The following CBL variants were observed in gnomAD, a reference collection of about 807,000 sequenced individuals.
CBL encodes E3 ubiquitin-protein ligase CBL.
CBL carries 45 observed loss-of-function variants against 96.9 expected under a neutral mutation model. The ratio of observed to expected loss-of-function variants is 0.46; its 90% CI spans 0.37 to 0.60. The LOEUF is 0.60. Among genes scored for constraint, CBL ranks in the 20% least tolerant of loss-of-function variants. The pLI, the probability that CBL is intolerant of heterozygous loss-of-function variation, is 0.00. For missense variants in CBL, 1,024 were observed against 1,143.5 expected (o/e 0.90, Z 1.51); for synonymous variants, 420 against 426.8 (o/e 0.98, Z 0.20).
chr11:119,206,491 T>G lies in CBL; in HGVS notation c.74T>G (p.Leu25Arg), dbSNP rs767515458. Residue 25 changes from leucine (L) to arginine (R), a missense_variant, in exon 1 of 16, where the codon CTG (leucine) becomes CGG (arginine). This residue lies in a region of CBL where 114 missense variants were observed against 117.4 expected (regional missense o/e 0.97). Coordinates refer to ENST00000264033, the MANE Select transcript of CBL (RefSeq NM_005188.4). ...TCCGGGGGCTCGGGTTCGGGTGGCC[T>G]GATTGGGCTCATGAAGGACGCCTTC... The part of the protein sequence containing the change: ...SGSGGSGSGG[L>R]IGLMKDAFQP... 1 of 1,571,232 alleles carries G rather than the reference T, an allele frequency of 6.4e-7. No individual in the cohort carries two copies. Among genetic ancestry groups the G allele is most frequent in the Non-Finnish European group, 8.6e-7 (1 of 1,160,842 alleles).
intron 1 of CBL, among the ~76,000 whole-genome samples, chr11:119,210,924 G>A (rs1193070136): frequency 1.3e-5 from 2 of 152,002 alleles, no homozygotes; most frequent in African/African-American, 2.4e-5. Flanking sequence ...GTACTGAACC[G>A]TGTACATATA....
At chr11:119,274,800 T>G (rs1230780612) in intron 4 of CBL, 32 bp from the exon 5 acceptor site, 6 of 1,597,830 alleles carry the variant, frequency 3.8e-6, no homozygotes, top group Non-Finnish European at 5.1e-6. Flanking sequence ...ACATCTGACC[T>G]GAATAGTCTG....
Position 119,306,457 on chromosome 11 carries a change from G to A in CBL, c.*6676G>A, listed in dbSNP as rs1950142068. The A allele has an allele frequency of 2.5e-6, 1 of 397,860 alleles. No individual in the cohort carries two copies. The highest frequency in any genetic ancestry group is 1.3e-4 in the South Asian group (1 of 7,590). The allele number at this position is 397,860 out of a possible 1,614,324, so 24.6% of individuals were successfully genotyped here. A position where few individuals can be genotyped will look rare whatever the true frequency, so the allele number is the denominator to read the frequency against. ...TGCCCCTAAATCAGACAGGAGGCCA[G>A]AGAGGAGTATTGCTCAATGCGTGCT... is the stretch of plus-strand genomic sequence containing the variant. On this transcript the variant is annotated 3_prime_UTR_variant, in exon 16 of 16. Transcript: ENST00000264033.
rs749769411 is a variant in CBL at position 119,285,275 on chromosome 11, G to T, written c.1650G>T (p.Arg550=). 3 of 1,613,926 alleles carry T rather than the reference G, an allele frequency of 1.9e-6. No homozygotes were observed. The African/African-American group carries it at 4.0e-5, about 22-fold the overall frequency. ...RDLPPPPPPD[R]PYSVGAESRP... ...TTCCACCACCACCGCCTCCAGACCG[G>T]CCATATTCTGTTGGAGCAGAATCCC... Residue 550 remains arginine (R), a synonymous_variant, in exon 11 of 16, where the codon CGG becomes CGT. Transcript: ENST00000264033.
In CBL at chr11:119,287,535, A is replaced by G. The variant is rs145401823; in HGVS notation, c.1942-317A>G. 6.3e-4 allele frequency among the ~76,000 whole-genome samples: 96 copies of G among 152,280 alleles called. No individual in the cohort carries two copies. The East Asian group carries it at 0.017, about 27-fold the overall frequency. On this transcript the variant is annotated intron_variant, in intron 11 of 15. Coordinates refer to ENST00000264033, the MANE Select transcript of CBL (RefSeq NM_005188.4). ...CTGGCAGCATCAGTATAGAATGACC[A>G]TTTTGCGTTTGGATATAGATTATTT...
intron 11 of CBL, among the ~76,000 whole-genome samples, chr11:119,287,055 G>T (rs1949989806): frequency 6.6e-6 from 1 of 152,200 alleles, no homozygotes; most frequent in Non-Finnish European, 1.5e-5. Flanking sequence ...ATTCCAGGAT[G>T]AAGGAAAAAG....
rs374936250 is a variant in CBL at position 119,284,971 on chromosome 11, G to T, written c.1434G>T (p.Val478=). 1 of 1,614,074 alleles carries T rather than the reference G, an allele frequency of 6.2e-7. No individual in the cohort carries two copies. Among genetic ancestry groups the T allele is most frequent in the Non-Finnish European group, 8.5e-7 (1 of 1,180,008 alleles). Residue 478 remains valine (V), a splice_region_variant and synonymous_variant, in exon 10 of 16, where the codon GTG becomes GTT. Transcript: ENST00000264033. ...FMMKELAGAK[V]ERPPSPFSMA... ...GTTAAATTTTTTATGTACCCTAGGT[G>T]GAACGGCCGCCTTCTCCATTCTCCA...
In CBL at chr11:119,245,956, C is replaced by CTTTTTT. The variant is rs71048054; in HGVS notation, c.443+13290_443+13295dup. ...TAAGACAGACGCATTCTTTGCAAAT[C>CTTTTTT]TTTTTTTTTTTTTTTTTTTTTTTTT... On this transcript the variant is annotated intron_variant, in intron 2 of 15. Transcript: ENST00000264033. Among the ~76,000 whole-genome samples the CTTTTTT allele has an allele frequency of 4.1e-3, 221 of 54,308 alleles. 23 individuals are homozygous for CTTTTTT. The highest frequency in any genetic ancestry group is 8.1e-3 in the Admixed American group (22 of 2,726). 35.6% of individuals were successfully genotyped at this position (54,308 alleles called of 152,430 possible).
intron 2 of CBL, among the ~76,000 whole-genome samples, chr11:119,246,730 G>A (rs1949634676): frequency 6.6e-6 from 1 of 152,226 alleles, no homozygotes; most frequent in Non-Finnish European, 1.5e-5. Context: ...GGGATTACAG[G>A]TGTGAGCCAG....
At chr11:119,240,808 C>T (rs1281869639) in intron 2 of CBL, among the ~76,000 whole-genome samples, 1 of 152,276 alleles carries the variant, frequency 6.6e-6, no homozygotes, top group South Asian at 2.1e-4. Context: ...TGCAGTGGCT[C>T]ATGCCTGTAA....
intron 2 of CBL, among the ~76,000 whole-genome samples, chr11:119,264,937 T>A (rs2135290991): frequency 6.6e-6 from 1 of 152,296 alleles, no homozygotes; most frequent in African/African-American, 2.4e-5. Context: ...AGTGCCGTGG[T>A]ACGATCTTTG....
At chr11:119,221,910 G>A (rs142164868) in intron 1 of CBL, among the ~76,000 whole-genome samples, 1 of 152,232 alleles carries the variant, frequency 6.6e-6, no homozygotes, top group East Asian at 1.9e-4. Context: ...ACCCGGAAGG[G>A]CAAATAACTT....
chr11:119,258,271 A>AT (rs1949726519), intron 2 of CBL, among the ~76,000 whole-genome samples: 2 of 152,138 alleles, frequency 1.3e-5, no homozygotes, highest in African/African-American at 4.8e-5. Context: ...TGAGACTGTA[A>AT]TTTTTAAAGA....
Position 119,303,519 on chromosome 11 carries a change from C to T in CBL, c.*3738C>T, listed in dbSNP as rs1161537925. 1 of 233,470 alleles carries T rather than the reference C, an allele frequency of 4.3e-6. No homozygotes were observed. The highest frequency in any genetic ancestry group is 8.5e-6 in the Non-Finnish European group (1 of 118,036). The allele number at this position is 233,470 out of a possible 1,614,324, so 14.5% of individuals were successfully genotyped here. A position where few individuals can be genotyped will look rare whatever the true frequency, so the allele number is the denominator to read the frequency against. ...GCGTTTGACCTTAAAATAGCTCTTC[C>T]CAGTAAGATTGTGCAATTTTTATTC... On this transcript the variant is annotated 3_prime_UTR_variant, in exon 16 of 16. Coordinates refer to ENST00000264033, the MANE Select transcript of CBL (RefSeq NM_005188.4).
At chr11:119,297,523 A>G (rs1950072795) in intron 14 of CBL, 42 bp downstream of exon 14, 1 of 1,378,756 alleles carries the variant, frequency 7.3e-7, no homozygotes. Flanking sequence ...TTGATATGTC[A>G]TAGGAATGAA....
At chr11:119,214,773 T>C (rs1949345040) in intron 1 of CBL, among the ~76,000 whole-genome samples, 1 of 152,128 alleles carries the variant, frequency 6.6e-6, no homozygotes, top group African/African-American at 2.4e-5. Flanking sequence ...GTAGTTCACC[T>C]TTTAGCTTCA....
intron 2 of CBL, among the ~76,000 whole-genome samples, chr11:119,266,171 T>A (rs1339621807): frequency 6.6e-6 from 1 of 152,114 alleles, no homozygotes; most frequent in African/African-American, 2.4e-5. Context: ...AAATGCGTCT[T>A]TAATAGAAGG....
At chr11:119,276,826 CT>C (rs978247412) in intron 6 of CBL, among the ~76,000 whole-genome samples, 1 of 152,218 alleles carries the variant, frequency 6.6e-6, no homozygotes, top group African/African-American at 2.4e-5. Flanking sequence ...ATGCTAGAAA[CT>C]GTGGATCTCC....
At chr11:119,260,192 G>A (rs1949743683) in intron 2 of CBL, among the ~76,000 whole-genome samples, 1 of 151,078 alleles carries the variant, frequency 6.6e-6, no homozygotes, top group African/African-American at 2.4e-5. Context: ...GAGTAGTGAT[G>A]ATGAGCATGG....
Sources: gnomAD v4.1 joint callset for allele counts (sites outside exome capture counted in the v4.1 genomes callset) on GRCh38, gnomAD v4.1.1 for gene constraint, gnomAD v4.1.1 regional missense constraint, MANE v1.5 for transcripts, NCBI Gene and HGNC (gene_info 2026-07-23, HGNC 2026-07-21) for gene names.